The following BNIP5 variants were observed in gnomAD, a reference collection of about 807,000 sequenced individuals.
The protein encoded by BNIP5 is protein BNIP5.
A neutral mutation model predicts 67.3 loss-of-function variants in BNIP5; 61 were observed. The observed-to-expected ratio is 0.91, with a 90% CI of 0.74 to 1.12. The LOEUF is 1.12. Ranked by LOEUF, BNIP5 falls within the 50% of genes most tolerant of loss-of-function variation. BNIP5 has a pLI of 0.00. For missense variants in BNIP5, 826 were observed against 816.3 expected (o/e 1.01, Z -0.14); for synonymous variants, 317 against 319.0 (o/e 0.99, Z 0.07).
chr6:36,336,398 A>G (rs1008461560), intron 1 of BNIP5, among the ~76,000 whole-genome samples: 12 of 152,312 alleles, frequency 7.9e-5, no homozygotes, highest in Admixed American at 7.2e-4. Context: ...AAGGAAGTGA[A>G]GTTCCTTGCT....
chr6:36,326,341 C>A (rs1202309475), intron 5 of BNIP5, among the ~76,000 whole-genome samples, 169 bp downstream of exon 5: 1 of 152,210 alleles, frequency 6.6e-6, no homozygotes, highest in Admixed American at 6.5e-5. Context: ...AGGTGACCTG[C>A]TGGCATTCTT....
intron 6 of BNIP5, among the ~76,000 whole-genome samples, chr6:36,324,584 T>A (rs1172842228): frequency 7.6e-3 from 15 of 1,984 alleles, no homozygotes; most frequent in Non-Finnish European, 0.014. Flanking sequence ...ATTATATATA[T>A]ATATATATAT....
intron 1 of BNIP5, among the ~76,000 whole-genome samples, chr6:36,331,651 A>C (rs902820014): frequency 6.6e-5 from 10 of 152,174 alleles, no homozygotes; most frequent in Admixed American, 2.0e-4. Flanking sequence ...CAAGCCAAAA[A>C]TGTAAAGTCA....
rs1235697952 is a variant in BNIP5 at position 36,326,586 on chromosome 6, C to A, written c.960G>T (p.Glu320Asp). The A allele has an allele frequency of 6.2e-7, 1 of 1,614,256 alleles. No individual in the cohort carries two copies. The highest frequency in any genetic ancestry group is 2.2e-5 in the East Asian group (1 of 44,884). Residue 320 changes from glutamate to aspartate, a missense_variant, in exon 5 of 12, where the codon GAG becomes GAT. Coordinates refer to ENST00000437635, the MANE Select transcript of BNIP5 (RefSeq NM_001010903.5). ...KRGAADVSSP[E>D]AWPPKKSSFL... ...AGCTGGACTTCTTGGGTGGCCAGGC[C>A]TCTGGACTGGAAACATCTGCAGCCC...
chr6:36,319,293 G>A, intron 11 of BNIP5, 63 bp downstream of exon 11: 1 of 1,585,284 alleles, frequency 6.3e-7, no homozygotes, highest in South Asian at 1.1e-5. Flanking sequence ...TCCCACTGGA[G>A]GCCAGCTGTG....
chr6:36,328,874 C>A (rs1771822499), intron 2 of BNIP5, among the ~76,000 whole-genome samples, 160 bp from the exon 3 acceptor site: 1 of 152,162 alleles, frequency 6.6e-6, no homozygotes, highest in Non-Finnish European at 1.5e-5. Context: ...AAATCAGAAA[C>A]CCACTAAGAT....
chr6:36,332,597 G>A (rs1049114740), intron 1 of BNIP5, among the ~76,000 whole-genome samples: 2 of 152,184 alleles, frequency 1.3e-5, no homozygotes, highest in Admixed American at 6.5e-5. Context: ...ATCTTTGGAT[G>A]TGTAGTTAAC....
chr6:36,320,501 G>A (rs1771610826), intron 10 of BNIP5, among the ~76,000 whole-genome samples: 1 of 152,222 alleles, frequency 6.6e-6, no homozygotes. Flanking sequence ...GGGTCCTCAG[G>A]CACAAGGAGG....
chr6:36,325,452 G>A (rs367833433), intron 5 of BNIP5, 38 bp from the exon 6 acceptor site: 13 of 1,578,414 alleles, frequency 8.2e-6, no homozygotes, highest in Non-Finnish European at 1.1e-5. Context: ...TGTTTTGTCT[G>A]TCTGGGGCTG....
At position 36,323,317 on chromosome 6, in the gene BNIP5, G is replaced by A. The variant is rs193920980; in HGVS notation, c.1447C>T (p.Arg483Trp). ...SFLPLCVGGH[R>W]PSTSSSLDPE... ...CCAAGGCTGCTGGAGGTGGAGGGCC[G>A]ATGGCCACCAACACACAGGGGCAGA... The change falls in exon 8 of 12, where the codon CGG (arginine) becomes TGG (tryptophan). Residue 483 changes from arginine to tryptophan, a missense_variant. Transcript: ENST00000437635. 1.2e-5 allele frequency: 20 copies of A among 1,614,116 alleles called. No individual in the cohort carries two copies. In the Admixed American group the frequency reaches 1.7e-4, roughly 13 times the overall value.
In BNIP5 at chr6:36,317,354, T is replaced by A. The variant is rs769181317; in HGVS notation, c.*2A>T. The A allele has an allele frequency of 1.2e-6, 2 of 1,613,152 alleles. No individual in the cohort carries two copies. The highest frequency in any genetic ancestry group is 2.7e-5 in the African/African-American group (2 of 74,912). ...AGGGAATTTGAGTGCAAGACACAGC[T>A]TTCAATCTGGACTTTCAACCTTAGG... On this transcript the variant is annotated 3_prime_UTR_variant, in exon 12 of 12. Coordinates refer to ENST00000437635, the MANE Select transcript of BNIP5 (RefSeq NM_001010903.5).
chr6:36,328,933 C>A (rs1245554580), intron 2 of BNIP5, among the ~76,000 whole-genome samples: 4 of 152,024 alleles, frequency 2.6e-5, no homozygotes, highest in African/African-American at 9.7e-5. Flanking sequence ...TCTCGCTAAC[C>A]CCCTCCCCGC....
At chr6:36,323,192 G>A in intron 8 of BNIP5, 101 bp downstream of exon 8, 1 of 1,498,274 alleles carries the variant, frequency 6.7e-7, no homozygotes, top group Non-Finnish European at 9.1e-7. Context: ...AGCAACAGTG[G>A]ACATCCTCCA....
At chr6:36,322,065 A>G (rs1771647853) in intron 9 of BNIP5, among the ~76,000 whole-genome samples, 1 of 152,236 alleles carries the variant, frequency 6.6e-6, no homozygotes, top group African/African-American at 2.4e-5. Flanking sequence ...ACATTCAAGC[A>G]AACGAATGGG....
intron 8 of BNIP5, 73 bp downstream of exon 8, chr6:36,323,220 C>T (rs1214857238): frequency 1.4e-5 from 23 of 1,587,932 alleles, no homozygotes; most frequent in East Asian, 2.2e-5. Context: ...AGCCTGTCAA[C>T]GACAGACAGG....
chr6:36,329,942 G>A lies in BNIP5; in HGVS notation c.610+139C>T, dbSNP rs1030148478. On this transcript the variant is annotated intron_variant, in intron 2 of 11. Transcript: ENST00000437635. ...GAAGGAAGGGAGGGAGGAAGGGAGG[G>A]AGGAAGGAAGGAAGGAAGTCACAGC... The A allele has an allele frequency of 7.1e-6, 6 of 842,610 alleles. No individual in the cohort carries two copies. In the African/African-American group the frequency reaches 8.7e-5, roughly 12 times the overall value. 52.2% of individuals were successfully genotyped at this position (842,610 alleles called of 1,614,324 possible). A position where few individuals can be genotyped will look rare whatever the true frequency, so the allele number is the denominator to read the frequency against.
At chr6:36,321,952 C>T (rs1771645960) in intron 9 of BNIP5, among the ~76,000 whole-genome samples, 7 of 152,250 alleles carry the variant, frequency 4.6e-5, no homozygotes, top group Admixed American at 4.6e-4. Context: ...CCATGGAAAT[C>T]TGCAAATGCT....
At position 36,323,439 on chromosome 6, in the gene BNIP5, G is replaced by A. The variant is rs771762937; in HGVS notation, c.1325C>T (p.Ala442Val). The A allele has an allele frequency of 1.2e-5, 20 of 1,614,118 alleles. No individual in the cohort carries two copies. The highest frequency in any genetic ancestry group is 1.6e-5 in the Non-Finnish European group (19 of 1,180,042). Residue 442 changes from alanine to valine, a missense_variant, in exon 8 of 12, where the codon GCG becomes GTG. Transcript: ENST00000437635. The stretch of plus-strand genomic sequence containing the variant: ...GGAGGTGTGTTTCTTATGGTAAAAC[G>A]CTCTCCTGAAGCTCGACCTTTTTTC... ...SQEKRSSFRRAFYHKKHTSKE... is the reference protein window; with the variant it reads ...SQEKRSSFRRVFYHKKHTSKE...
rs547472802 is a variant in BNIP5 at position 36,335,157 on chromosome 6, A to G, written c.-5+1555T>C. 1.1e-3 allele frequency among the ~76,000 whole-genome samples: 168 copies of G among 152,330 alleles called. 2 individuals are homozygous for G. The highest frequency in any genetic ancestry group is 1.3e-3 in the Non-Finnish European group (88 of 68,026). On this transcript the variant is annotated intron_variant, in intron 1 of 11. Coordinates refer to ENST00000437635, the MANE Select transcript of BNIP5 (RefSeq NM_001010903.5). ...ACGGGAAGTTTGCTTGCCTTCCCCA[A>G]GCTTGCTGCTGTGTGTTGTTTACTT...
Sources: allele counts gnomAD v4.1 joint callset (sites outside exome capture counted in the v4.1 genomes callset), GRCh38; gene constraint gnomAD v4.1.1; transcripts MANE v1.5; gene names NCBI Gene and HGNC (gene_info 2026-07-23, HGNC 2026-07-21).